SF3A2: variants seen among roughly 807,000 people sequenced by gnomAD.
SF3A2 encodes the protein SAP 62.
SF3A2 carries 5 observed loss-of-function variants against 31.1 expected under a neutral mutation model. That is an observed-to-expected ratio of 0.16 (90% CI 0.08 to 0.34). The LOEUF is 0.34. SF3A2 is among the 10% of genes least tolerant of loss of function. SF3A2 has a pLI of 1.00. For missense variants in SF3A2, 577 were observed against 643.9 expected, an observed-to-expected ratio of 0.90 and a Z score of 1.13; for synonymous variants, 365 against 263.7, an observed-to-expected ratio of 1.38 and a Z score of -3.72.
In SF3A2 at chr19:2,248,492, C is replaced by A. The variant is rs1335081986; in HGVS notation, c.1341C>A (p.Pro447=). The change falls in exon 9 of 9, where the codon CCC becomes CCA. Residue 447 remains proline (P), a synonymous_variant. Transcript: ENST00000221494. ...PPTPMPPMLR[P]PLPSEGPGNI... ...CTCCCATGCCCCCAATGCTGAGGCCCCCACTTCCCTCCGAAGGCCCAGGGA... is the reference window on the plus strand; with the variant it reads ...CTCCCATGCCCCCAATGCTGAGGCCACCACTTCCCTCCGAAGGCCCAGGGA... 8.5e-7 allele frequency: 1 copy of A among 1,171,156 alleles called. No individual in the cohort carries two copies. Among genetic ancestry groups the A allele is most frequent in the East Asian group, 3.1e-5 (1 of 32,354 alleles). The allele number at this position is 1,171,156 out of a possible 1,614,324, so 72.5% of individuals were successfully genotyped here.
Position 2,243,505 on chromosome 19 carries a change from C to A in SF3A2, c.87C>A (p.Arg29=). ...SSESNRDRRE[R]LRQLALETID... is the part of the protein sequence containing the mutation. ...AGAGCAACCGTGACCGCAGGGAGCG[C>A]CTCCGGCAGCTGGCCCTGGAGACCA... The change falls in exon 2 of 9, where the codon CGC becomes CGA. Residue 29 remains arginine (R), a synonymous_variant. Transcript: ENST00000221494. 1 of 1,547,834 alleles carries A rather than the reference C, an allele frequency of 6.5e-7. No homozygotes were observed. Among genetic ancestry groups the A allele is most frequent in the South Asian group, 1.2e-5 (1 of 82,458 alleles).
At chr19:2,243,609 G>T in intron 2 of SF3A2, 65 bp downstream of exon 2, 2 of 1,450,836 alleles carry the variant, frequency 1.4e-6, no homozygotes, top group Non-Finnish European at 1.8e-6. Context: ...CCCTGGAGAG[G>T]GTGCCAGAGG....
chr19:2,238,806 C>T (rs1009379465), intron 1 of SF3A2, among the ~76,000 whole-genome samples: 1 of 152,216 alleles, frequency 6.6e-6, no homozygotes, highest in Non-Finnish European at 1.5e-5. Context: ...CCCTTATCCT[C>T]CTCCTCCAAA....
intron 1 of SF3A2, 21 bp from the exon 2 acceptor site, chr19:2,243,361 C>A: frequency 6.8e-7 from 1 of 1,469,088 alleles, no homozygotes. Context: ...ATCTTCCTCA[C>A]TCTCCTCTTG....
At chr19:2,238,483 A>C (rs1003775076) in intron 1 of SF3A2, among the ~76,000 whole-genome samples, 1 of 152,070 alleles carries the variant, frequency 6.6e-6, no homozygotes, top group African/African-American at 2.4e-5. Context: ...CCTCCCATCC[A>C]CCCACTGCAC....
At chr19:2,238,978 CG>C (rs2024865078) in intron 1 of SF3A2, among the ~76,000 whole-genome samples, 1 of 151,954 alleles carries the variant, frequency 6.6e-6, no homozygotes, top group Non-Finnish European at 1.5e-5. Context: ...TGATTTTTTT[CG>C]GGGGGTGGGG....
intron 1 of SF3A2, among the ~76,000 whole-genome samples, chr19:2,238,979 G>A (rs772276168): frequency 4.6e-5 from 7 of 152,092 alleles, no homozygotes; most frequent in East Asian, 3.8e-4. Flanking sequence ...GATTTTTTTC[G>A]GGGGGTGGGG....
rs1461864326 is a variant in SF3A2, at chr19:2,245,068, C to T, written c.245+289C>T. The T allele has an allele frequency of 7.5e-6, 4 of 536,308 alleles. No individual in the cohort carries two copies. Among genetic ancestry groups the T allele is most frequent in the Non-Finnish European group, 1.3e-5 (4 of 299,980 alleles). 33.2% of individuals were successfully genotyped at this position (536,308 alleles called of 1,614,324 possible). A position where few individuals can be genotyped will look rare whatever the true frequency, so the allele number is the denominator to read the frequency against. On this transcript the variant is annotated intron_variant, in intron 4 of 8. Coordinates refer to ENST00000221494, the MANE Select transcript of SF3A2 (RefSeq NM_007165.5). The surrounding 1 kb of genome is among the most constrained non-coding windows in gnomAD (Gnocchi z 4.2). Reference sequence around the variant, plus strand: ...AGGCATGGTGGCACACGTCTGTAATCACAGCTACTATGGAGGCTGAGGCAG... The same window carrying T: ...AGGCATGGTGGCACACGTCTGTAATTACAGCTACTATGGAGGCTGAGGCAG...
At chr19:2,242,762 A>C (rs1213700842) in intron 1 of SF3A2, among the ~76,000 whole-genome samples, 1 of 152,154 alleles carries the variant, frequency 6.6e-6, no homozygotes, top group Non-Finnish European at 1.5e-5. Context: ...AGACCTTGGC[A>C]GAGGCCTGCA....
chr19:2,239,630 T>C (rs111697120), intron 1 of SF3A2, among the ~76,000 whole-genome samples: 1 of 152,206 alleles, frequency 6.6e-6, no homozygotes, highest in African/African-American at 2.4e-5. Flanking sequence ...GGTTTTGTTT[T>C]TGTTTTTAAT....
intron 1 of SF3A2, 58 bp from the exon 2 acceptor site, chr19:2,243,324 C>T: frequency 7.2e-7 from 1 of 1,389,070 alleles, no homozygotes; most frequent in Non-Finnish European, 9.6e-7. Flanking sequence ...CCAGGGAGGT[C>T]CCAGCAGCAG....
rs149652765 is a variant in SF3A2, at chr19:2,245,012, C to T, written c.245+233C>T. On this transcript the variant is annotated intron_variant, in intron 4 of 8. Transcript: ENST00000221494. The surrounding 1 kb of genome is among the most constrained non-coding windows in gnomAD (Gnocchi z 4.2). Reference sequence around the variant, plus strand: ...CCAGCCTGGCCAACATTGTGAAACTCCATCTCTACTAAAAATACAAAAATT... The same window carrying T: ...CCAGCCTGGCCAACATTGTGAAACTTCATCTCTACTAAAAATACAAAAATT... 1.2e-5 allele frequency: 7 copies of T among 571,964 alleles called. No homozygotes were observed. The highest frequency in any genetic ancestry group is 1.9e-5 in the Non-Finnish European group (6 of 320,568). The allele number at this position is 571,964 out of a possible 1,614,324, so 35.4% of individuals were successfully genotyped here.
At chr19:2,237,502 G>C (rs1289270371) in intron 1 of SF3A2, 1 of 152,006 alleles carries the variant, frequency 6.6e-6, no homozygotes, top group Non-Finnish European at 1.5e-5. Flanking sequence ...AAGATCGCTT[G>C]AGTCCAGGAG....
chr19:2,245,671 C>A lies in SF3A2; in HGVS notation c.355+116C>A. 1 of 794,380 alleles carries A rather than the reference C, an allele frequency of 1.3e-6. No homozygotes were observed. The allele number at this position is 794,380 out of a possible 1,614,324, so 49.2% of individuals were successfully genotyped here. The stretch of plus-strand genomic sequence containing the variant: ...GCCTCCTCCCTGAGCCACTGTTTTC[C>A]GGCCTTGGTGGCCGTCCCTCACCCA... On this transcript the variant is annotated intron_variant, in intron 5 of 8. Coordinates refer to ENST00000221494, the MANE Select transcript of SF3A2 (RefSeq NM_007165.5). The surrounding 1 kb of genome is among the most constrained non-coding windows in gnomAD (Gnocchi z 4.2).
chr19:2,244,839 G>GT lies in SF3A2; in HGVS notation c.245+61dup. Reference sequence around the variant, plus strand: ...CCAGCAGCCGTTGGCTCAAGTCTCTGTGAGCCTCGCGGGCCACTGCTCCAC... The same window carrying GT: ...CCAGCAGCCGTTGGCTCAAGTCTCTGTTGAGCCTCGCGGGCCACTGCTCCAC... On this transcript the variant is annotated intron_variant, in intron 4 of 8. Coordinates refer to ENST00000221494, the MANE Select transcript of SF3A2 (RefSeq NM_007165.5). 3 of 1,517,576 alleles carry GT rather than the reference G, an allele frequency of 2.0e-6. No individual in the cohort carries two copies. The South Asian group carries it at 3.4e-5, about 17-fold the overall frequency. 94.0% of individuals were successfully genotyped at this position (1,517,576 alleles called of 1,614,324 possible).
chr19:2,247,103 T>G, intron 7 of SF3A2, 81 bp downstream of exon 7: 1 of 1,538,420 alleles, frequency 6.5e-7, no homozygotes, highest in Non-Finnish European at 8.7e-7. Context: ...AGGATGCCCC[T>G]CCCATCGGGC....
chr19:2,237,564 C>G (rs1199068094), intron 1 of SF3A2: 2 of 152,222 alleles, frequency 1.3e-5, no homozygotes, highest in Non-Finnish European at 2.9e-5. Flanking sequence ...GCCTGGACAA[C>G]AGAGCAAGAC....
At chr19:2,243,896 C>T (rs1599652616) in intron 2 of SF3A2, among the ~76,000 whole-genome samples, 1 of 152,188 alleles carries the variant, frequency 6.6e-6, no homozygotes, top group South Asian at 2.1e-4. Context: ...AGCCGAGTCC[C>T]CTCAGCACCG....
At chr19:2,239,731 C>T (rs191167026) in intron 1 of SF3A2, among the ~76,000 whole-genome samples, 4 of 152,156 alleles carry the variant, frequency 2.6e-5, no homozygotes, top group Admixed American at 2.0e-4. Flanking sequence ...TCTGGAATGT[C>T]CTCTAGGTTC....
Sources: allele counts gnomAD v4.1 joint callset (sites outside exome capture counted in the v4.1 genomes callset), GRCh38; gene constraint gnomAD v4.1.1; non-coding constraint Gnocchi (gnomAD v3.1); transcripts MANE v1.5; gene names NCBI Gene and HGNC (gene_info 2026-07-23, HGNC 2026-07-21).